The following XXYLT1 variants were observed in gnomAD, a reference collection of about 807,000 sequenced individuals.
XXYLT1 encodes xyloside xylosyltransferase 1, also known as UDP-xylose:alpha-xyloside alpha-1,3-xylosyltransferase.
XXYLT1 carries 20 observed loss-of-function variants against 28.9 expected under a neutral mutation model. That is an observed-to-expected ratio of 0.69 (90% confidence interval 0.49 to 1.00). The LOEUF (loss-of-function observed/expected upper bound fraction) is 1.00, where lower values mean the gene tolerates loss of function less well. Ranked by LOEUF, XXYLT1 falls within the 50% of genes least tolerant of loss-of-function variation. XXYLT1 has a pLI of 0.00. For synonymous variants in XXYLT1, 257 were observed against 253.8 expected, an observed-to-expected ratio of 1.01 and a Z score of -0.12; for missense variants, 542 against 560.1, an observed-to-expected ratio of 0.97 and a Z score of 0.33.
rs1326161815 is a variant in XXYLT1, at chr3:195,257,843, G to T, written c.504+12712C>A. On this transcript the variant is annotated intron_variant, in intron 1 of 3. Coordinates refer to ENST00000310380, the MANE Select transcript of XXYLT1 (RefSeq NM_152531.5). This position sits in a 1 kb window ranked among gnomAD's most constrained non-coding sequence, Gnocchi z 4.3. ...GCCTGAGTTCCCTCATCTCTAAGGT[G>T]GGCAGGTCACATGCTACCCACGTAT... Among the ~76,000 whole-genome samples the T allele has an allele frequency of 6.6e-6, 1 of 151,982 alleles. No individual in the cohort carries two copies. Among genetic ancestry groups the T allele is most frequent in the Non-Finnish European group, 1.5e-5 (1 of 67,976 alleles).
At position 195,110,715 on chromosome 3, in the gene XXYLT1, GGT is replaced by G. The variant is rs760229779; in HGVS notation, c.786-40606_786-40605del. 1.2e-3 allele frequency among the ~76,000 whole-genome samples: 169 copies of G among 140,906 alleles called. 49 individuals carry two copies. The highest frequency in any genetic ancestry group is 3.2e-3 in the African/African-American group (112 of 35,062). 92.4% of individuals were successfully genotyped at this position (140,906 alleles called of 152,430 possible). On this transcript the variant is annotated intron_variant, in intron 3 of 3. Coordinates refer to ENST00000310380, the MANE Select transcript of XXYLT1 (RefSeq NM_152531.5). ...ATGTGTGCATGTGTGTGGTGTGTGT[GGT>G]GTGTGTGTGTGTGCTGTATGTGTGC...
At chr3:195,237,918 C>T (rs979863901) in intron 1 of XXYLT1, among the ~76,000 whole-genome samples, 4 of 152,068 alleles carry the variant, frequency 2.6e-5, no homozygotes, top group East Asian at 3.9e-4. Context: ...CACACCCCTC[C>T]GCTTCCTCTC....
intron 2 of XXYLT1, among the ~76,000 whole-genome samples, chr3:195,222,342 C>T (rs927326100): frequency 3.3e-5 from 5 of 152,186 alleles, no homozygotes; most frequent in Admixed American, 1.3e-4. Flanking sequence ...GCCACTGTCT[C>T]GAAGCTCTTA....
rs146848899 is a variant in XXYLT1, at chr3:195,123,743, C to A, written c.785+32706G>T. Among the ~76,000 whole-genome samples the A allele has an allele frequency of 3.3e-4, 50 of 152,318 alleles. No homozygotes were observed. The South Asian group carries it at 9.7e-3, about 30-fold the overall frequency. On this transcript the variant is annotated intron_variant, in intron 3 of 3. Transcript: ENST00000310380. ...CCCACTGCAGGAAATTCACAGCCAGCCATCTCCTCAGACGCGGGCACGATA... is the reference window on the plus strand; with the variant it reads ...CCCACTGCAGGAAATTCACAGCCAGACATCTCCTCAGACGCGGGCACGATA...
intron 2 of XXYLT1, among the ~76,000 whole-genome samples, chr3:195,190,493 CAA>C (rs57722997): frequency 0.094 from 3,209 of 34,238 alleles, 17 homozygotes; most frequent in East Asian, 0.18. Flanking sequence ...GACTCTGTCT[CAA>C]AAAAAAAAAA....
intron 2 of XXYLT1, among the ~76,000 whole-genome samples, chr3:195,201,461 A>G (rs575130563): frequency 6.6e-6 from 1 of 152,322 alleles, no homozygotes; most frequent in East Asian, 1.9e-4. Context: ...TGTGCCAACA[A>G]AAGCAAGACT....
At chr3:195,154,768 G>A (rs1720471190) in intron 3 of XXYLT1, among the ~76,000 whole-genome samples, 1 of 152,132 alleles carries the variant, frequency 6.6e-6, no homozygotes, top group South Asian at 2.1e-4. Flanking sequence ...TTTCATTCCG[G>A]TCTAAAGCTT....
intron 3 of XXYLT1, among the ~76,000 whole-genome samples, chr3:195,085,079 A>G (rs190946842): frequency 2.8e-4 from 42 of 152,346 alleles, no homozygotes; most frequent in South Asian, 1.9e-3. Flanking sequence ...CTCCCAAGCA[A>G]GGATGACCCC....
intron 2 of XXYLT1, among the ~76,000 whole-genome samples, chr3:195,223,023 A>T (rs1723895143): frequency 6.6e-6 from 1 of 152,038 alleles, no homozygotes; most frequent in Non-Finnish European, 1.5e-5. Context: ...CAGGAGTTCG[A>T]AACCAGCCTG....
At chr3:195,157,948 T>C (rs750906158) in intron 2 of XXYLT1, among the ~76,000 whole-genome samples, 9 of 152,132 alleles carry the variant, frequency 5.9e-5, no homozygotes, top group Non-Finnish European at 1.0e-4. Context: ...GTGTGGGAAA[T>C]AGCTTATGGA....
chr3:195,135,566 C>T (rs746883675), intron 3 of XXYLT1, among the ~76,000 whole-genome samples: 21 of 152,266 alleles, frequency 1.4e-4, no homozygotes, highest in Non-Finnish European at 2.9e-4. Context: ...CAGGCTGGCT[C>T]GGAACACAGT....
At chr3:195,085,535 C>T (rs900121031) in intron 3 of XXYLT1, among the ~76,000 whole-genome samples, 1 of 152,232 alleles carries the variant, frequency 6.6e-6, no homozygotes, top group African/African-American at 2.4e-5. Flanking sequence ...ACTCGAGAAG[C>T]ACAGCAGTGC....
At chr3:195,110,692 G>GTA (rs1560101510) in intron 3 of XXYLT1, among the ~76,000 whole-genome samples, 37 of 124,264 alleles carry the variant, frequency 3.0e-4, no homozygotes, top group Admixed American at 6.5e-4. Context: ...TGTGCTGTAT[G>GTA]TGTGCATGTG....
At chr3:195,212,559 G>C (rs546661013) in intron 2 of XXYLT1, among the ~76,000 whole-genome samples, 1 of 152,128 alleles carries the variant, frequency 6.6e-6, no homozygotes, top group Non-Finnish European at 1.5e-5. Flanking sequence ...GGTGGGAGGC[G>C]GGCCAGTGAG....
chr3:195,252,479 C>T (rs201909600), intron 1 of XXYLT1, among the ~76,000 whole-genome samples: 2 of 151,848 alleles, frequency 1.3e-5, no homozygotes, highest in East Asian at 3.9e-4. Flanking sequence ...AAAAATATAT[C>T]GTGAGAGGCA....
In XXYLT1 at chr3:195,103,950, G is replaced by T. The variant is rs1016336131; in HGVS notation, c.786-33839C>A. Among the ~76,000 whole-genome samples the T allele has an allele frequency of 2.0e-5, 3 of 152,350 alleles. No homozygotes were observed. In the East Asian group the frequency reaches 5.8e-4, roughly 29 times the overall value. On this transcript the variant is annotated intron_variant, in intron 3 of 3. Coordinates refer to ENST00000310380, the MANE Select transcript of XXYLT1 (RefSeq NM_152531.5). ...TGGCCTCTCCAACGAGGGGAGAAAG[G>T]TTTGACGCACTAGAAGTTCATCACT...
chr3:195,227,992 C>T (rs140855794), intron 1 of XXYLT1, among the ~76,000 whole-genome samples: 91 of 152,306 alleles, frequency 6.0e-4, no homozygotes, highest in African/African-American at 2.1e-3. Context: ...TCCTGTTGTT[C>T]CATGTGCCCC....
chr3:195,181,111 A>G lies in XXYLT1; in HGVS notation c.653-24530T>C, dbSNP rs563757222. Among the ~76,000 whole-genome samples, 17 of 152,288 alleles carry G rather than the reference A, an allele frequency of 1.1e-4. No individual in the cohort carries two copies. The South Asian group carries it at 3.3e-3, about 30-fold the overall frequency. ...GAGAACATGTTCTAAAAAGAGAAAT[A>G]AAGGTAATTTATTTGAGAAGTCGGT... On this transcript the variant is annotated intron_variant, in intron 2 of 3. Coordinates refer to ENST00000310380, the MANE Select transcript of XXYLT1 (RefSeq NM_152531.5).
chr3:195,181,291 G>A (rs1418406750), intron 2 of XXYLT1, among the ~76,000 whole-genome samples: 6 of 152,098 alleles, frequency 3.9e-5, no homozygotes, highest in South Asian at 2.1e-4. Context: ...GCGTGGCTGC[G>A]GGGCTGCGGG....
Sources: gnomAD v4.1 joint callset for allele counts (sites outside exome capture counted in the v4.1 genomes callset) on GRCh38, gnomAD v4.1.1 for gene constraint, Gnocchi (gnomAD v3.1) non-coding constraint, MANE v1.5 for transcripts, NCBI Gene and HGNC (gene_info 2026-07-23, HGNC 2026-07-21) for gene names.